DRC11: variants seen among roughly 807,000 people sequenced by gnomAD.
The protein encoded by DRC11 is IQ and AAA domain-containing protein 1.
chr2:236,450,314 C>CTTTTTTTTTTTTTTTTTTTTT, the DRC11 span, among the ~76,000 whole-genome samples: 129 of 82,354 alleles, frequency 1.6e-3, no homozygotes, highest in Non-Finnish European at 1.9e-3. Context: ...CTTTTCTTTT[C>CTTTTTTTTTTTTTTTTTTTTT]TTTTTTTTTT....
At chr2:236,375,829 T>C in the DRC11 span, among the ~76,000 whole-genome samples, 1 of 152,194 alleles carries the variant, frequency 6.6e-6, no homozygotes, top group Non-Finnish European at 1.5e-5. This position sits in a 1 kb window ranked among gnomAD's most constrained non-coding sequence, Gnocchi z 4.2. Flanking sequence ...CACAGAAGAA[T>C]GATATCTATT....
the DRC11 span, among the ~76,000 whole-genome samples, chr2:236,492,392 C>T: frequency 9.8e-5 from 15 of 152,338 alleles, no homozygotes; most frequent in Admixed American, 2.0e-4. Flanking sequence ...TGCATTTCAC[C>T]TCTCTTCTGA....
the DRC11 span, among the ~76,000 whole-genome samples, chr2:236,445,749 G>A: frequency 6.6e-6 from 1 of 152,222 alleles, no homozygotes; most frequent in South Asian, 2.1e-4. This position sits in a 1 kb window ranked among gnomAD's most constrained non-coding sequence, Gnocchi z 4.8. Flanking sequence ...AAAAAAAACT[G>A]TTGTAGGGTA....
At chr2:236,310,405 G>A in the DRC11 span, among the ~76,000 whole-genome samples, 1 of 152,316 alleles carries the variant, frequency 6.6e-6, no homozygotes, top group African/African-American at 2.4e-5. The surrounding 1 kb of genome is among the most constrained non-coding windows in gnomAD (Gnocchi z 5.5). Context: ...AGCCTTGATG[G>A]TTCCAGTTTC....
chr2:236,383,263 G>A, the DRC11 span, among the ~76,000 whole-genome samples: 16 of 152,186 alleles, frequency 1.1e-4, no homozygotes, highest in Non-Finnish European at 4.4e-5. Context: ...AGTCTCTTAT[G>A]ATCTTTTTCG....
the DRC11 span, among the ~76,000 whole-genome samples, chr2:236,451,984 A>G: frequency 6.6e-6 from 1 of 152,174 alleles, no homozygotes; most frequent in Non-Finnish European, 1.5e-5. Flanking sequence ...AAACTCTTTG[A>G]TTTACATGTG....
chr2:236,363,660 G>A, the DRC11 span: 7 of 792,350 alleles, frequency 8.8e-6, no homozygotes, highest in African/African-American at 5.1e-5. The surrounding 1 kb of genome is among the most constrained non-coding windows in gnomAD (Gnocchi z 5.6). Flanking sequence ...ATTTGCAGGA[G>A]TAGACAATGA....
chr2:236,491,029 G>GTGTATATATATATACAGTATATATATATA, the DRC11 span, among the ~76,000 whole-genome samples: 6,176 of 135,642 alleles, frequency 0.046, 215 homozygotes, highest in Non-Finnish European at 0.069. Context: ...ATATATATGT[G>GTGTATATATATATACAGTATATATATATA]TGTATATATA....
At chr2:236,503,834 CTG>C in the DRC11 span, 2 of 767,978 alleles carry the variant, frequency 2.6e-6, no homozygotes, top group Admixed American at 4.3e-5. The surrounding 1 kb of genome is among the most constrained non-coding windows in gnomAD (Gnocchi z 4.9). Flanking sequence ...CTCAGCCCAT[CTG>C]GCCTTGCGCC....
the DRC11 span, among the ~76,000 whole-genome samples, chr2:236,459,673 GTA>G: frequency 1.4e-5 from 2 of 141,060 alleles, no homozygotes; most frequent in Non-Finnish European, 3.1e-5. Flanking sequence ...ACGTATATAC[GTA>G]TATATGTATA....
the DRC11 span, among the ~76,000 whole-genome samples, chr2:236,418,675 G>A: frequency 6.6e-6 from 1 of 152,304 alleles, no homozygotes; most frequent in South Asian, 2.1e-4. Context: ...TGTGAACTCT[G>A]ATTTCCTTTG....
the DRC11 span, among the ~76,000 whole-genome samples, chr2:236,443,522 C>T: frequency 5.9e-5 from 9 of 152,174 alleles, no homozygotes; most frequent in African/African-American, 1.4e-4. This position sits in a 1 kb window ranked among gnomAD's most constrained non-coding sequence, Gnocchi z 4.4. Context: ...CTGAGGATAA[C>T]GGCTTCCAGC....
the DRC11 span, among the ~76,000 whole-genome samples, chr2:236,357,294 T>TAC: frequency 3.6e-5 from 3 of 82,594 alleles, no homozygotes; most frequent in African/African-American, 1.4e-4. Context: ...ATTTATATAT[T>TAC]ATATATTCAT....
chr2:236,355,009 T>G, the DRC11 span, among the ~76,000 whole-genome samples: 1 of 152,204 alleles, frequency 6.6e-6, no homozygotes, highest in East Asian at 1.9e-4. Flanking sequence ...TTTCTCCTTC[T>G]TTCTTTGCAG....
the DRC11 span, among the ~76,000 whole-genome samples, chr2:236,327,710 G>C: frequency 6.6e-6 from 1 of 151,206 alleles, no homozygotes; most frequent in Admixed American, 6.6e-5. Context: ...TTGAGATGGA[G>C]TTTCGCTCGT....
the DRC11 span, among the ~76,000 whole-genome samples, chr2:236,444,706 T>A: frequency 6.6e-6 from 1 of 152,202 alleles, no homozygotes; most frequent in African/African-American, 2.4e-5. Context: ...CAGAACCTGA[T>A]TCTCTTTCTC....
chr2:236,347,471 C>A, the DRC11 span, among the ~76,000 whole-genome samples: 43,468 of 139,996 alleles, frequency 0.31, 7,284 homozygotes, highest in Non-Finnish European at 0.37. Flanking sequence ...GTGGCACCAA[C>A]CCAAATGCCC....
At chr2:236,357,874 C>G in the DRC11 span, among the ~76,000 whole-genome samples, 4 of 121,476 alleles carry the variant, frequency 3.3e-5, no homozygotes, top group African/African-American at 1.3e-4. Context: ...TATAAATATA[C>G]ATATACTATA....
the DRC11 span, among the ~76,000 whole-genome samples, chr2:236,432,985 T>C: frequency 6.6e-6 from 1 of 152,182 alleles, no homozygotes. Context: ...TTTTCTTAGA[T>C]GACAACCTGG....
Sources: allele counts gnomAD v4.1 joint callset (sites outside exome capture counted in the v4.1 genomes callset), GRCh38; gene constraint gnomAD v4.1.1; non-coding constraint Gnocchi (gnomAD v3.1); transcripts MANE v1.5; gene names NCBI Gene and HGNC (gene_info 2026-07-23, HGNC 2026-07-21).